CDC42EP3: variants seen among roughly 807,000 people sequenced by gnomAD.
CDC42EP3 encodes the protein CDC42 effector protein 3.
In CDC42EP3, 4 loss-of-function variants were observed where a neutral mutation model predicts 15.5. That is an observed-to-expected ratio of 0.26 (90% CI 0.13 to 0.59). The LOEUF (loss-of-function observed/expected upper bound fraction) is 0.59, where lower values mean the gene tolerates loss of function less well. CDC42EP3 is among the 20% of genes least tolerant of loss of function. The probability of loss-of-function intolerance (pLI) is 0.89; values close to 1 mark genes in which losing one functional copy is unlikely to be tolerated. For synonymous variants in CDC42EP3, 145 were observed against 130.3 expected, an observed-to-expected ratio of 1.11 and a Z score of -0.77; for missense variants, 309 against 311.2, an observed-to-expected ratio of 0.99 and a Z score of 0.05.
Position 37,646,331 on chromosome 2 carries a change from CG to C in CDC42EP3, c.256del (p.Arg86GlyfsTer41). ...GQFPGHNEFF[R>X]ANSTSDSVFT... is the part of the protein sequence containing the mutation. The stretch of plus-strand genomic sequence containing the variant: ...CACAGAGTCCGAGGTGCTGTTGGCC[CG>C]GAAGAACTCATTATGCCCAGGGAAC... On this transcript the variant is annotated frameshift_variant, in exon 2 of 2. Coordinates refer to ENST00000295324, the MANE Select transcript of CDC42EP3 (RefSeq NM_006449.5). LOFTEE classifies it high-confidence loss of function. The C allele has an allele frequency of 6.2e-7, 1 of 1,614,026 alleles. No homozygotes were observed. Among genetic ancestry groups the C allele is most frequent in the Non-Finnish European group, 8.5e-7 (1 of 1,179,996 alleles).
chr2:37,672,421 T>C (rs1666464050), upstream of CDC42EP3: 1 of 152,146 alleles, frequency 6.6e-6, no homozygotes. Context: ...GGCAAGCCGG[T>C]GGCGGCTGCC....
chr2:37,664,240 G>A (rs561815833), intron 1 of CDC42EP3, among the ~76,000 whole-genome samples: 1 of 152,272 alleles, frequency 6.6e-6, no homozygotes, highest in Non-Finnish European at 1.5e-5. Context: ...GAGTCTTCTG[G>A]CCTTCATTTT....
intron 1 of CDC42EP3, among the ~76,000 whole-genome samples, chr2:37,660,503 A>G (rs11688493): frequency 0.21 from 31,498 of 152,164 alleles, 3,554 homozygotes; most frequent in Middle Eastern, 0.27. Context: ...GTGTTTTCAT[A>G]CCAACTTGGG....
In CDC42EP3 at chr2:37,643,851, T is replaced by C. The variant is rs540596011; in HGVS notation, c.*1972A>G. The C allele has an allele frequency of 3.3e-5, 5 of 152,290 alleles. No individual in the cohort carries two copies. The South Asian group carries it at 1.0e-3, about 32-fold the overall frequency. 9.4% of individuals were successfully genotyped at this position (152,290 alleles called of 1,614,324 possible). On this transcript the variant is annotated 3_prime_UTR_variant, in exon 2 of 2. Transcript: ENST00000295324. ...CAACAGAAAAAACACTGGAGAGTCATGGATAACGAAATACAACTGAGAAGT... is the reference window on the plus strand; with the variant it reads ...CAACAGAAAAAACACTGGAGAGTCACGGATAACGAAATACAACTGAGAAGT...
intron 1 of CDC42EP3, among the ~76,000 whole-genome samples, chr2:37,666,144 G>A (rs564899498): frequency 5.3e-4 from 81 of 152,244 alleles, no homozygotes; most frequent in African/African-American, 1.7e-3. Flanking sequence ...ATGTCCCTGG[G>A]TTGCTTCGGC....
chr2:37,660,741 TA>T (rs1463489928), intron 1 of CDC42EP3, among the ~76,000 whole-genome samples: 3 of 152,264 alleles, frequency 2.0e-5, no homozygotes, highest in Non-Finnish European at 2.9e-5. Flanking sequence ...AGGGGAATGT[TA>T]CCTTCTCTGA....
intron 1 of CDC42EP3, among the ~76,000 whole-genome samples, chr2:37,650,587 C>A (rs954397037): frequency 2.6e-5 from 4 of 152,210 alleles, no homozygotes; most frequent in Non-Finnish European, 5.9e-5. Context: ...TGGATCACTA[C>A]TGACGAACTG....
chr2:37,651,158 G>A (rs1361138902), intron 1 of CDC42EP3, among the ~76,000 whole-genome samples: 2 of 152,174 alleles, frequency 1.3e-5, no homozygotes, highest in African/African-American at 4.8e-5. Context: ...GCAAATGCGT[G>A]TATTTATATT....
At chr2:37,650,248 C>T (rs1665625781) in intron 1 of CDC42EP3, among the ~76,000 whole-genome samples, 1 of 152,230 alleles carries the variant, frequency 6.6e-6, no homozygotes, top group African/African-American at 2.4e-5. Context: ...ATTTCTCGAA[C>T]TGACCACTTC....
At position 37,646,534 on chromosome 2, in the gene CDC42EP3, C is replaced by G. The variant is rs1300192715; in HGVS notation, c.54G>C (p.Lys18Asn). The change falls in exon 2 of 2, where the codon AAG becomes AAC. Residue 18 changes from lysine (K) to asparagine (N), a missense_variant. Lys to Asn is a moderately conservative substitution (Grantham distance 94). Transcript: ENST00000295324. Reference protein sequence around the residue: ...YLKAANNKKGKKFKLRDILSP... With the variant: ...YLKAANNKKGNKFKLRDILSP... Reference sequence around the variant, plus strand: ...ACAGAATGTCCCTCAGTTTAAATTTCTTTCCTTTCTTGTTATTGGCTGCTT... The same window carrying G: ...ACAGAATGTCCCTCAGTTTAAATTTGTTTCCTTTCTTGTTATTGGCTGCTT... 6.4e-7 allele frequency: 1 copy of G among 1,571,932 alleles called. No individual in the cohort carries two copies. Among genetic ancestry groups the G allele is most frequent in the Admixed American group, 2.0e-5 (1 of 50,090 alleles).
intron 1 of CDC42EP3, among the ~76,000 whole-genome samples, chr2:37,657,642 C>T (rs1292030262): frequency 2.6e-5 from 4 of 152,190 alleles, no homozygotes; most frequent in African/African-American, 7.2e-5. Flanking sequence ...CGGCCAAATC[C>T]GGCCCCCTGC....
rs368159883 is a variant in CDC42EP3, at chr2:37,644,005, A to G, written c.*1818T>C. ...TTTTTTTTTTTTTTTGCAATTTTCT[A>G]TTTTTATTTTTTTAAGCTCATCAAC... On this transcript the variant is annotated 3_prime_UTR_variant, in exon 2 of 2. Transcript: ENST00000295324. 1 of 72,446 alleles carries G rather than the reference A, an allele frequency of 1.4e-5. No individual in the cohort carries two copies. The highest frequency in any genetic ancestry group is 5.1e-5 in the African/African-American group (1 of 19,740). The allele number at this position is 72,446 out of a possible 1,614,324, so 4.5% of individuals were successfully genotyped here.
chr2:37,655,216 G>T (rs77890935), intron 1 of CDC42EP3, among the ~76,000 whole-genome samples: 2 of 152,072 alleles, frequency 1.3e-5, no homozygotes, highest in African/African-American at 4.8e-5. Flanking sequence ...ACGAGCAGGC[G>T]GTATTTTAAA....
At chr2:37,665,127 T>TTA (rs10638447) in intron 1 of CDC42EP3, among the ~76,000 whole-genome samples, 92,210 of 150,936 alleles carry the variant, frequency 0.61, 28,769 homozygotes, top group African/African-American at 0.72. Flanking sequence ...AAACTCCCCT[T>TTA]TATATATATA....
At chr2:37,669,105 A>G (rs55690208) in intron 1 of CDC42EP3, among the ~76,000 whole-genome samples, 18,555 of 151,676 alleles carry the variant, frequency 0.12, 1,986 homozygotes, top group East Asian at 0.48. Flanking sequence ...TCTGAATAAC[A>G]ATAATAATAA....
chr2:37,646,125 C>G lies in CDC42EP3; in HGVS notation c.463G>C (p.Glu155Gln). 6.2e-7 allele frequency: 1 copy of G among 1,614,212 alleles called. No individual in the cohort carries two copies. The highest frequency in any genetic ancestry group is 2.2e-5 in the East Asian group (1 of 44,886). ...CCATTCTCCAACAGACTGCTTTTCTCCTGAGCTTTTTCCTCCATGACGGGC... is the reference window on the plus strand; with the variant it reads ...CCATTCTCCAACAGACTGCTTTTCTGCTGAGCTTTTTCCTCCATGACGGGC... ...CEPVMEEKAQ[E>Q]KSSLLENGTV... is the part of the protein sequence containing the mutation. The change falls in exon 2 of 2, where the codon GAG becomes CAG. Residue 155 changes from glutamate to glutamine, a missense_variant. Transcript: ENST00000295324.
rs905433453 is a variant in CDC42EP3, at chr2:37,649,358, G to C, written c.-235-2536C>G. 3.4e-5 allele frequency among the ~76,000 whole-genome samples: 5 copies of C among 148,262 alleles called. No homozygotes were observed. The Admixed American group carries it at 3.4e-4, about 10-fold the overall frequency. Reference sequence around the variant, plus strand: ...CAGTCTTAGCTACTTGGGAGGCTGAGGTGGGAGGACTGGTTGAGCCCAGGA... The same window carrying C: ...CAGTCTTAGCTACTTGGGAGGCTGACGTGGGAGGACTGGTTGAGCCCAGGA... On this transcript the variant is annotated intron_variant, in intron 1 of 1. Coordinates refer to ENST00000295324, the MANE Select transcript of CDC42EP3 (RefSeq NM_006449.5).
At chr2:37,654,289 G>C (rs914142075) in intron 1 of CDC42EP3, among the ~76,000 whole-genome samples, 4 of 152,172 alleles carry the variant, frequency 2.6e-5, no homozygotes, top group African/African-American at 9.7e-5. Flanking sequence ...CATGTTCAGA[G>C]GGAGGCAAAT....
chr2:37,650,512 A>G (rs113397522), intron 1 of CDC42EP3, among the ~76,000 whole-genome samples: 132 of 152,272 alleles, frequency 8.7e-4, no homozygotes, highest in African/African-American at 3.1e-3. Flanking sequence ...CATTGTTCCA[A>G]CCCTTGACAT....
Sources: gnomAD v4.1 joint callset for allele counts (sites outside exome capture counted in the v4.1 genomes callset) on GRCh38, gnomAD v4.1.1 for gene constraint, MANE v1.5 for transcripts, NCBI Gene and HGNC (gene_info 2026-07-23, HGNC 2026-07-21) for gene names.